MEIOB: variants seen among roughly 807,000 people sequenced by gnomAD.
MEIOB encodes the protein meiosis-specific with OB domain-containing protein.
In MEIOB, 50 loss-of-function variants were observed where a neutral mutation model predicts 53.1. The ratio of observed to expected loss-of-function variants is 0.94; its 90% CI spans 0.75 to 1.19. MEIOB has a LOEUF of 1.19. Ranked by LOEUF, MEIOB falls within the 50% of genes most tolerant of loss-of-function variation. The pLI, the probability that MEIOB is intolerant of heterozygous loss-of-function variation, is 0.00. For missense variants in MEIOB, 551 were observed against 550.8 expected (o/e 1.00, Z 0.00); for synonymous variants, 192 against 182.5 (o/e 1.05, Z -0.42).
intron 3 of MEIOB, among the ~76,000 whole-genome samples, chr16:1,863,354 G>GTATTT (rs61075179): frequency 6.8e-6 from 1 of 146,550 alleles, no homozygotes; most frequent in Non-Finnish European, 1.5e-5. Context: ...GCTAATTTTT[G>GTATTT]TTTTTTGTTT....
chr16:1,859,046 T>C (rs1487342274), intron 5 of MEIOB, among the ~76,000 whole-genome samples: 1 of 152,108 alleles, frequency 6.6e-6, no homozygotes, highest in African/African-American at 2.4e-5. Context: ...CCAAGAACAA[T>C]GAATCAAACA....
rs552490430 is a variant in MEIOB, at chr16:1,841,404, T to A, written c.1034+416A>T. 1.3e-3 allele frequency among the ~76,000 whole-genome samples: 197 copies of A among 152,248 alleles called. 1 individual carries two copies. Among genetic ancestry groups the A allele is most frequent in the African/African-American group, 4.5e-3 (185 of 41,552 alleles). ...TAGGCTGGACTCAAACTCTTCAAAC[T>A]CCTGGGCTCAACCGATCCTCCCACC... is the stretch of plus-strand genomic sequence containing the variant. On this transcript the variant is annotated intron_variant, in intron 11 of 13. Transcript: ENST00000325962.
intron 11 of MEIOB, 116 bp downstream of exon 11, chr16:1,841,704 A>C: frequency 1.6e-6 from 1 of 640,192 alleles, no homozygotes; most frequent in Non-Finnish European, 2.4e-6. Flanking sequence ...ATTTATCTCC[A>C]ATACATAACC....
At chr16:1,851,914 T>A (rs556285420) in intron 9 of MEIOB, among the ~76,000 whole-genome samples, 1 of 152,186 alleles carries the variant, frequency 6.6e-6, no homozygotes, top group African/African-American at 2.4e-5. Flanking sequence ...TTGACGGTTA[T>A]GTCTGCACTA....
intron 2 of MEIOB, among the ~76,000 whole-genome samples, chr16:1,867,898 T>C (rs1213547752): frequency 1.6e-5 from 1 of 64,026 alleles, no homozygotes; most frequent in African/African-American, 6.0e-5. Flanking sequence ...TCATATCTTC[T>C]ACTCTACACA....
intron 9 of MEIOB, among the ~76,000 whole-genome samples, chr16:1,845,905 T>C (rs993597532): frequency 2.0e-5 from 3 of 152,182 alleles, no homozygotes; most frequent in African/African-American, 7.2e-5. Flanking sequence ...CAAATTGTCC[T>C]GACAATGTCT....
chr16:1,858,331 T>C (rs1255445471), intron 5 of MEIOB, among the ~76,000 whole-genome samples: 2 of 152,180 alleles, frequency 1.3e-5, no homozygotes, highest in Non-Finnish European at 2.9e-5. Context: ...GTGTTTTTCC[T>C]ACCCCTACTG....
chr16:1,862,390 G>C (rs1393765588), intron 3 of MEIOB, among the ~76,000 whole-genome samples: 1 of 152,134 alleles, frequency 6.6e-6, no homozygotes, highest in African/African-American at 2.4e-5. Flanking sequence ...TGTGTATTTG[G>C]AGGGAAAAAC....
chr16:1,855,957 TATC>T (rs1899289142), intron 6 of MEIOB, among the ~76,000 whole-genome samples: 1 of 150,398 alleles, frequency 6.6e-6, no homozygotes, highest in Non-Finnish European at 1.5e-5. Flanking sequence ...GTCTCTTGAC[TATC>T]ATCCCTCTCT....
chr16:1,838,045 G>C (rs1168374616), intron 12 of MEIOB, 175 bp from the exon 13 acceptor site: 1 of 1,267,816 alleles, frequency 7.9e-7, no homozygotes, highest in Non-Finnish European at 1.1e-6. Flanking sequence ...CGCCCAAGCT[G>C]GAGTGCAGCA....
At position 1,834,263 on chromosome 16, in the gene MEIOB, TG is replaced by T. The variant is rs748679176; in HGVS notation, c.1408del (p.His470MetfsTer25). 8.2e-6 allele frequency: 13 copies of T among 1,586,972 alleles called. No individual in the cohort carries two copies. Among genetic ancestry groups the T allele is most frequent in the Non-Finnish European group, 1.0e-5 (12 of 1,156,668 alleles). On this transcript the variant is annotated frameshift_variant, in exon 14 of 14. Coordinates refer to ENST00000325962, the MANE Select transcript of MEIOB (RefSeq NM_001163560.3). LOFTEE classifies it high-confidence loss of function. ...TCAAAATGATAGACCGTTTTAAACA[TG>T]TTTTTGTCCAGACAAGTTTCTGCTT... ...EASRNLSGQKHV is the reference protein window; with the variant it reads ...EASRNLSGQKXV
intron 10 of MEIOB, among the ~76,000 whole-genome samples, chr16:1,842,367 C>A (rs1312835346): frequency 1.3e-5 from 2 of 149,488 alleles, no homozygotes; most frequent in African/African-American, 5.0e-5. Flanking sequence ...GTAATCCCAG[C>A]AATTTGGGAG....
At chr16:1,836,793 T>C in intron 13 of MEIOB, among the ~76,000 whole-genome samples, 1 of 152,214 alleles carries the variant, frequency 6.6e-6, no homozygotes, top group East Asian at 1.9e-4. Flanking sequence ...CACGCAATGT[T>C]TTCTAGAGGC....
chr16:1,871,145 T>A (rs1171990972), intron 1 of MEIOB, among the ~76,000 whole-genome samples: 6 of 152,110 alleles, frequency 3.9e-5, no homozygotes, highest in Non-Finnish European at 5.9e-5. Context: ...AAAATTAACA[T>A]GAACTAAAGA....
chr16:1,853,689 T>C (rs1328572210), intron 7 of MEIOB, among the ~76,000 whole-genome samples: 1 of 152,050 alleles, frequency 6.6e-6, no homozygotes, highest in African/African-American at 2.4e-5. Flanking sequence ...GCATCAGAGG[T>C]CTAGACAATG....
chr16:1,857,695 C>T, intron 6 of MEIOB, 40 bp downstream of exon 6: 1 of 1,502,862 alleles, frequency 6.7e-7, no homozygotes, highest in East Asian at 2.5e-5. Context: ...TGCACCTCCC[C>T]TGCCAGATTG....
chr16:1,867,439 C>T (rs1899620927), intron 2 of MEIOB, among the ~76,000 whole-genome samples: 1 of 146,018 alleles, frequency 6.8e-6, no homozygotes, highest in Non-Finnish European at 1.5e-5. Flanking sequence ...CAGAAAATTG[C>T]TACTGCTGAA....
At chr16:1,871,718 T>G (rs1899756517) in intron 1 of MEIOB, among the ~76,000 whole-genome samples, 1 of 147,334 alleles carries the variant, frequency 6.8e-6, no homozygotes, top group Non-Finnish European at 1.5e-5. Context: ...AGAGATGGGG[T>G]TGCACCTGAG....
intron 2 of MEIOB, 46 bp from the exon 3 acceptor site, chr16:1,865,881 T>G (rs939857675): frequency 2.2e-5 from 29 of 1,335,824 alleles, no homozygotes; most frequent in Non-Finnish European, 2.8e-5. Flanking sequence ...AACACAGATG[T>G]ACTTGATAAA....
Sources: allele counts gnomAD v4.1 joint callset (sites outside exome capture counted in the v4.1 genomes callset), GRCh38; gene constraint gnomAD v4.1.1; transcripts MANE v1.5; gene names NCBI Gene and HGNC (gene_info 2026-07-23, HGNC 2026-07-21).